Variants in FMO4 observed in about 807,000 individuals in gnomAD.
The protein encoded by FMO4 is dimethylaniline monooxygenase [N-oxide-forming] 4.
FMO4 carries 38 observed loss-of-function variants against 43.3 expected under a neutral mutation model. The observed-to-expected ratio is 0.88, with a 90% CI of 0.68 to 1.15. The LOEUF (loss-of-function observed/expected upper bound fraction) is 1.15, where lower values mean the gene tolerates loss of function less well. Among genes scored for constraint, FMO4 ranks in the 50% most tolerant of loss-of-function variants. The probability of loss-of-function intolerance (pLI) is 0.00; values close to 1 mark genes in which losing one functional copy is unlikely to be tolerated. For missense variants in FMO4, 631 were observed against 663.3 expected, an observed-to-expected ratio of 0.95 and a Z score of 0.54; for synonymous variants, 224 against 232.2, an observed-to-expected ratio of 0.96 and a Z score of 0.32.
rs45448503 is a variant in FMO4, at chr1:171,338,582, T to G, written c.1250+1157T>G. Reference sequence around the variant, plus strand: ...CCCTCAGAACCTTTACGCTCTACTCTTCTGTCAGCCTGGAATGTTCCATCA... The same window carrying G: ...CCCTCAGAACCTTTACGCTCTACTCGTCTGTCAGCCTGGAATGTTCCATCA... On this transcript the variant is annotated intron_variant, in intron 9 of 9. Coordinates refer to ENST00000367749, the MANE Select transcript of FMO4 (RefSeq NM_002022.3). Among the ~76,000 whole-genome samples, 624 of 152,278 alleles carry G rather than the reference T, an allele frequency of 4.1e-3. 5 individuals are homozygous for G. The highest frequency in any genetic ancestry group is 0.014 in the African/African-American group (587 of 41,560).
intron 5 of FMO4, among the ~76,000 whole-genome samples, chr1:171,331,222 A>G (rs1434107878): frequency 6.6e-6 from 1 of 152,224 alleles, no homozygotes; most frequent in African/African-American, 2.4e-5. Flanking sequence ...GAAGATGTCA[A>G]GTAGGTATTT....
At position 171,325,817 on chromosome 1, in the gene FMO4, C is replaced by CTTTTTTTTTT. The variant is rs869107866; in HGVS notation, c.484+1556_484+1565dup. Among the ~76,000 whole-genome samples, 29 of 51,028 alleles carry CTTTTTTTTTT rather than the reference C, an allele frequency of 5.7e-4. 10 individuals carry two copies. The highest frequency in any genetic ancestry group is 8.5e-4 in the Non-Finnish European group (21 of 24,826). 33.5% of individuals were successfully genotyped at this position (51,028 alleles called of 152,430 possible). A position where few individuals can be genotyped will look rare whatever the true frequency, so the allele number is the denominator to read the frequency against. On this transcript the variant is annotated intron_variant, in intron 5 of 9. Coordinates refer to ENST00000367749, the MANE Select transcript of FMO4 (RefSeq NM_002022.3). ...TAAATTCAGTTCCACATAGACTATC[C>CTTTTTTTTTT]TTTTTTTTTTTTTTTTTTTTTTTTT... is the stretch of plus-strand genomic sequence containing the variant.
chr1:171,334,426 C>A lies in FMO4; in HGVS notation c.843C>A (p.Phe281Leu). ...TGTGTCAAAGGAAAAAAGCAAAATT[C>A]ATTGTGAATGATGAGCTGCCAAACT... ...LSITKGKKAK[F>L]IVNDELPNCI... Residue 281 changes from phenylalanine (F) to leucine (L), a missense_variant, in exon 8 of 10, where the codon TTC becomes TTA. Phe to Leu is a conservative substitution (Grantham distance 22). Transcript: ENST00000367749. The A allele has an allele frequency of 6.4e-7, 1 of 1,571,940 alleles. No individual in the cohort carries two copies.
Position 171,326,781 on chromosome 1 carries a change from T to C in FMO4, c.484+2481T>C, listed in dbSNP as rs142741137. Among the ~76,000 whole-genome samples, 602 of 152,198 alleles carry C rather than the reference T, an allele frequency of 4.0e-3. 4 individuals are homozygous for C. Among genetic ancestry groups the C allele is most frequent in the African/African-American group, 0.013 (551 of 41,534 alleles). On this transcript the variant is annotated intron_variant, in intron 5 of 9. Transcript: ENST00000367749. ...CAATTATTTAACTTATCATGGAGAG[T>C]GACATGTGACTGCTGTTAGATTTCA...
chr1:171,323,364 G>A (rs540346864), intron 4 of FMO4, among the ~76,000 whole-genome samples, 172 bp downstream of exon 4: 1 of 152,138 alleles, frequency 6.6e-6, no homozygotes, highest in South Asian at 2.1e-4. Flanking sequence ...CGAATAAATC[G>A]TTAAAATACT....
chr1:171,337,507 T>C, intron 9 of FMO4, 82 bp downstream of exon 9: 1 of 961,608 alleles, frequency 1.0e-6, no homozygotes. Context: ...AAGCCATTCC[T>C]AGAGAAGCAG....
intron 1 of FMO4, among the ~76,000 whole-genome samples, chr1:171,314,935 T>G (rs2101867744): frequency 6.6e-6 from 1 of 152,168 alleles, no homozygotes; most frequent in Non-Finnish European, 1.5e-5. Flanking sequence ...TAGGGTGGGG[T>G]TTTCCCGTTG....
chr1:171,321,847 T>C (rs763646025), intron 3 of FMO4, among the ~76,000 whole-genome samples: 16 of 152,154 alleles, frequency 1.1e-4, no homozygotes, highest in Non-Finnish European at 2.1e-4. Context: ...CACAGTGTCA[T>C]CAAGTTCGTG....
rs144578261 is a variant in FMO4, at chr1:171,334,671, C to T, written c.1088C>T (p.Ala363Val). The T allele has an allele frequency of 2.3e-4, 368 of 1,613,468 alleles. No homozygotes were observed. Among genetic ancestry groups the T allele is most frequent in the South Asian group, 4.4e-4 (40 of 91,014 alleles). ...GTCTTTCCCTTAAACCTAGAGAGAG[C>T]GACATTAGCCATCATCGGCCTTATC... ...KQVFPLNLER[A>V]TLAIIGLIGL... Residue 363 changes from alanine (A) to valine (V), a missense_variant, in exon 8 of 10, where the codon GCG (alanine) becomes GTG (valine). Ala to Val is a moderately conservative substitution (Grantham distance 64, BLOSUM62 0). Transcript: ENST00000367749.
rs145396825 is a variant in FMO4 at position 171,332,245 on chromosome 1, A to G, written c.627+463A>G. Among the ~76,000 whole-genome samples, 17 of 152,346 alleles carry G rather than the reference A, an allele frequency of 1.1e-4. No homozygotes were observed. In the East Asian group the frequency reaches 3.3e-3, roughly 29 times the overall value. On this transcript the variant is annotated intron_variant, in intron 6 of 9. Transcript: ENST00000367749. ...TTGAGATGAAAGCAACTCTTGCACA[A>G]CAAGTATACATAATGGTTTTAGAAA...
rs1443124538 is a variant in FMO4 at position 171,331,728 on chromosome 1, T to C, written c.573T>C (p.Gly191=). The stretch of plus-strand genomic sequence containing the variant: ...AGGGCAAACGCGTCTTGGTGATTGG[T>C]CTTGGGAACACTGGAGGAGACATTG... ...GFQGKRVLVI[G]LGNTGGDIAV... is the part of the protein sequence containing the mutation. Residue 191 remains glycine (G), a synonymous_variant, in exon 6 of 10, where the codon GGT becomes GGC. Coordinates refer to ENST00000367749, the MANE Select transcript of FMO4 (RefSeq NM_002022.3). The C allele has an allele frequency of 6.2e-7, 1 of 1,613,958 alleles. No individual in the cohort carries two copies.
At chr1:171,323,825 A>G (rs717024) in intron 4 of FMO4, among the ~76,000 whole-genome samples, 6,686 of 152,278 alleles carry the variant, frequency 0.044, 469 homozygotes, top group African/African-American at 0.15. Flanking sequence ...AAATTACAAT[A>G]AGGCAAAACT....
intron 5 of FMO4, among the ~76,000 whole-genome samples, chr1:171,325,074 A>G (rs1662601739): frequency 6.6e-6 from 1 of 152,180 alleles, no homozygotes; most frequent in Non-Finnish European, 1.5e-5. Flanking sequence ...ACGTCACTGA[A>G]CTTCAGCCGG....
Position 171,337,372 on chromosome 1 carries a change from T to C in FMO4, c.1197T>C (p.Pro399=). ...TRVFKGLCKI[P]PSQKLMMEAT... Reference sequence around the variant, plus strand: ...TTCCCACAGGACTCTGTAAGATACCTCCATCCCAAAAATTGATGATGGAGG... The same window carrying C: ...TTCCCACAGGACTCTGTAAGATACCCCCATCCCAAAAATTGATGATGGAGG... The change falls in exon 9 of 10, where the codon CCT becomes CCC. Residue 399 remains proline (P), a synonymous_variant. Transcript: ENST00000367749. The C allele has an allele frequency of 6.2e-7, 1 of 1,611,592 alleles. No individual in the cohort carries two copies. Among genetic ancestry groups the C allele is most frequent in the Non-Finnish European group, 8.5e-7 (1 of 1,177,856 alleles).
At chr1:171,336,480 A>G (rs372696963) in intron 8 of FMO4, among the ~76,000 whole-genome samples, 1 of 152,186 alleles carries the variant, frequency 6.6e-6, no homozygotes, top group Admixed American at 6.5e-5. Flanking sequence ...GAGATTGGGA[A>G]TGAGCAGGTC....
chr1:171,323,363 C>T (rs905883836), intron 4 of FMO4, among the ~76,000 whole-genome samples, 171 bp downstream of exon 4: 42 of 152,040 alleles, frequency 2.8e-4, no homozygotes, highest in African/African-American at 8.9e-4. Flanking sequence ...TCGAATAAAT[C>T]GTTAAAATAC....
intron 2 of FMO4, among the ~76,000 whole-genome samples, chr1:171,318,930 G>A (rs1662300129): frequency 6.6e-6 from 1 of 152,216 alleles, no homozygotes; most frequent in Non-Finnish European, 1.5e-5. Flanking sequence ...ACAGGCAGGT[G>A]CAGGAGCCAG....
chr1:171,333,769 A>G (rs900389304), intron 7 of FMO4, among the ~76,000 whole-genome samples: 1 of 152,202 alleles, frequency 6.6e-6, no homozygotes, highest in Non-Finnish European at 1.5e-5. Flanking sequence ...AATTTTACAA[A>G]GAAAATATGT....
Position 171,341,997 on chromosome 1 carries a change from T to A in FMO4, c.*158T>A. The A allele has an allele frequency of 1.6e-6, 1 of 609,578 alleles. No individual in the cohort carries two copies. Among genetic ancestry groups the A allele is most frequent in the Non-Finnish European group, 2.8e-6 (1 of 352,104 alleles). 37.8% of individuals were successfully genotyped at this position (609,578 alleles called of 1,614,324 possible). On this transcript the variant is annotated 3_prime_UTR_variant, in exon 10 of 10. Coordinates refer to ENST00000367749, the MANE Select transcript of FMO4 (RefSeq NM_002022.3). ...GTATTATCTTCTTCTTTGTTTTCAG[T>A]ACCCTCTTTCTTGCCACCCTTTCCA...
Sources: allele counts gnomAD v4.1 joint callset (sites outside exome capture counted in the v4.1 genomes callset), GRCh38; gene constraint gnomAD v4.1.1; transcripts MANE v1.5; gene names NCBI Gene and HGNC (gene_info 2026-07-23, HGNC 2026-07-21).